SLC14A2: variants seen among roughly 807,000 people sequenced by gnomAD.
SLC14A2 encodes the protein urea transporter 2.
In SLC14A2, 91 loss-of-function variants were observed where a neutral mutation model predicts 104.6. The ratio of observed to expected loss-of-function variants is 0.87; its 90% CI spans 0.73 to 1.04. SLC14A2 has a LOEUF of 1.04. SLC14A2 is among the 50% of genes least tolerant of loss of function. SLC14A2 has a pLI of 0.00. For synonymous variants in SLC14A2, 476 were observed against 466.4 expected (o/e 1.02, Z -0.27); for missense variants, 1,189 against 1,156.0 (o/e 1.03, Z -0.41).
intron 2 of SLC14A2, among the ~76,000 whole-genome samples, chr18:45,605,187 G>A (rs1019908014): frequency 6.6e-6 from 1 of 152,196 alleles, no homozygotes; most frequent in African/African-American, 2.4e-5. Flanking sequence ...AGGACCACAT[G>A]TGACAGGTAA....
chr18:45,325,468 C>G (rs1016501857), intron 1 of SLC14A2, among the ~76,000 whole-genome samples: 2 of 152,160 alleles, frequency 1.3e-5, no homozygotes, highest in African/African-American at 2.4e-5. Flanking sequence ...CTAGGAGAAA[C>G]TCAAACAAAA....
intron 1 of SLC14A2, among the ~76,000 whole-genome samples, chr18:45,619,612 T>C (rs2045132644): frequency 6.6e-6 from 1 of 152,126 alleles, no homozygotes; most frequent in Admixed American, 6.5e-5. Context: ...AGAGTCTGAG[T>C]GCGCCAAGCA....
At chr18:45,337,280 C>T (rs137855782) in intron 1 of SLC14A2, among the ~76,000 whole-genome samples, 4 of 151,992 alleles carry the variant, frequency 2.6e-5, no homozygotes, top group African/African-American at 9.7e-5. Flanking sequence ...TGACCCATGC[C>T]GATTATTTAG....
chr18:45,573,069 A>G (rs1392581970), intron 2 of SLC14A2, among the ~76,000 whole-genome samples: 1 of 152,244 alleles, frequency 6.6e-6, no homozygotes, highest in African/African-American at 2.4e-5. Flanking sequence ...AGAGTGAGTC[A>G]CACAGCCTTT....
At chr18:45,677,926 C>T (rs1202705126) in intron 18 of SLC14A2, among the ~76,000 whole-genome samples, 1 of 151,632 alleles carries the variant, frequency 6.6e-6, no homozygotes, top group Non-Finnish European at 1.5e-5. Context: ...TCAAGCCATC[C>T]TCCTGCCTCA....
In SLC14A2 at chr18:45,464,151, T is replaced by C. The variant is rs1430672172; in HGVS notation, c.-124-19082T>C. Among the ~76,000 whole-genome samples, 7 of 152,166 alleles carry C rather than the reference T, an allele frequency of 4.6e-5. No individual in the cohort carries two copies. The East Asian group carries it at 1.3e-3, about 29-fold the overall frequency. On this transcript the variant is annotated intron_variant, in intron 1 of 20. Transcript: ENST00000586448. ...TTCCACCATGTCTACCCAACAGAAG[T>C]AGTGGGGTGAAGAGTAAAACGAACA...
chr18:45,616,101 G>A (rs1464605908), intron 1 of SLC14A2, among the ~76,000 whole-genome samples: 1 of 152,136 alleles, frequency 6.6e-6, no homozygotes, highest in East Asian at 1.9e-4. Context: ...GCTGAAAATT[G>A]TCTTGGGCAC....
intron 1 of SLC14A2, among the ~76,000 whole-genome samples, chr18:45,286,953 C>G (rs1159367699): frequency 2.0e-5 from 3 of 152,224 alleles, no homozygotes; most frequent in Admixed American, 6.5e-5. Context: ...AGGGTGACAA[C>G]TGAATACATC....
intron 1 of SLC14A2, among the ~76,000 whole-genome samples, chr18:45,233,113 T>C (rs933605662): frequency 6.6e-6 from 1 of 152,190 alleles, no homozygotes; most frequent in African/African-American, 2.4e-5. Flanking sequence ...GTAACAACTT[T>C]CTAACATTGT....
chr18:45,679,054 A>G, intron 19 of SLC14A2, 30 bp downstream of exon 19: 1 of 1,606,190 alleles, frequency 6.2e-7, no homozygotes, highest in South Asian at 1.1e-5. Context: ...GAACGTGCCT[A>G]CAACATCCTT....
intron 1 of SLC14A2, among the ~76,000 whole-genome samples, chr18:45,223,159 A>G (rs1485328010): frequency 6.6e-6 from 1 of 152,198 alleles, no homozygotes; most frequent in Non-Finnish European, 1.5e-5. Flanking sequence ...TGAGGAGAAT[A>G]TTGCTTAGAG....
chr18:45,372,423 C>T (rs2085733172), intron 1 of SLC14A2, among the ~76,000 whole-genome samples: 1 of 152,124 alleles, frequency 6.6e-6, no homozygotes, highest in Non-Finnish European at 1.5e-5. Flanking sequence ...AAACATCTAA[C>T]ATAGCTTCTT....
intron 1 of SLC14A2, among the ~76,000 whole-genome samples, chr18:45,308,198 G>A (rs1254843586): frequency 6.6e-6 from 1 of 152,084 alleles, no homozygotes; most frequent in East Asian, 1.9e-4. Flanking sequence ...AGATTTGGAG[G>A]GATCATACAC....
chr18:45,575,504 G>T (rs545324745), intron 2 of SLC14A2, among the ~76,000 whole-genome samples: 1 of 152,176 alleles, frequency 6.6e-6, no homozygotes, highest in African/African-American at 2.4e-5. Context: ...CACACACTAG[G>T]CACCCGCAGA....
At chr18:45,664,764 A>T (rs1268222942) in intron 11 of SLC14A2, among the ~76,000 whole-genome samples, 1 of 152,194 alleles carries the variant, frequency 6.6e-6, no homozygotes, top group Non-Finnish European at 1.5e-5. Context: ...ATATGGGAAA[A>T]TACACGAGGT....
chr18:45,195,811 T>C, the SLC14A2 span, among the ~76,000 whole-genome samples: 1 of 152,104 alleles, frequency 6.6e-6, no homozygotes, highest in East Asian at 1.9e-4. Context: ...TAGGATTGGA[T>C]AGGATAGGAT....
chr18:45,503,854 G>C (rs2043240327), intron 2 of SLC14A2, among the ~76,000 whole-genome samples: 1 of 16,444 alleles, frequency 6.1e-5, no homozygotes, highest in Non-Finnish European at 3.2e-4. Context: ...ACTGGAAGTA[G>C]GTAAAACAGA....
At position 45,594,907 on chromosome 18, in the gene SLC14A2, C is replaced by T. The variant is rs894089044; in HGVS notation, c.-34-29724C>T. 9.9e-5 allele frequency among the ~76,000 whole-genome samples: 15 copies of T among 152,280 alleles called. 1 individual carries two copies. Among genetic ancestry groups the T allele is most frequent in the South Asian group, 8.3e-4 (4 of 4,822 alleles). ...GGAACAGAATCCCACCAGGCAACTACGCATGCCACACCTGCACAACTTCCC... is the reference window on the plus strand; with the variant it reads ...GGAACAGAATCCCACCAGGCAACTATGCATGCCACACCTGCACAACTTCCC... On this transcript the variant is annotated intron_variant, in intron 2 of 20. Coordinates refer to the SLC14A2 transcript ENST00000586448.
At chr18:45,332,997 G>A (rs1020442475) in intron 1 of SLC14A2, among the ~76,000 whole-genome samples, 3 of 152,144 alleles carry the variant, frequency 2.0e-5, no homozygotes, top group African/African-American at 7.2e-5. Flanking sequence ...AAATGCAGCT[G>A]GGGTAAATGG....
Sources: allele counts gnomAD v4.1 joint callset (sites outside exome capture counted in the v4.1 genomes callset), GRCh38; gene constraint gnomAD v4.1.1; transcripts MANE v1.5; gene names NCBI Gene and HGNC (gene_info 2026-07-23, HGNC 2026-07-21).